GRM7: variants seen among roughly 807,000 people sequenced by gnomAD.
The protein encoded by GRM7 is metabotropic glutamate receptor 7.
A neutral mutation model predicts 84.5 loss-of-function variants in GRM7; 35 were observed. The ratio of observed to expected loss-of-function variants is 0.41; its 90% CI spans 0.32 to 0.55. GRM7 has a LOEUF of 0.55. Ranked by LOEUF, GRM7 falls within the 20% of genes least tolerant of loss-of-function variation. GRM7 has a pLI of 0.19. For synonymous variants in GRM7, 487 were observed against 455.1 expected, an observed-to-expected ratio of 1.07 and a Z score of -0.89; for missense variants, 1,003 against 1,194.6, an observed-to-expected ratio of 0.84 and a Z score of 2.36.
At chr3:6,904,552 C>T (rs1468708580) in intron 1 of GRM7, among the ~76,000 whole-genome samples, 1 of 152,130 alleles carries the variant, frequency 6.6e-6, no homozygotes, top group East Asian at 1.9e-4. Flanking sequence ...TATAATGAAC[C>T]TCTTTCCCCA....
intron 1 of GRM7, among the ~76,000 whole-genome samples, chr3:6,875,477 T>C (rs568187337): frequency 4.6e-5 from 7 of 152,274 alleles, no homozygotes; most frequent in Non-Finnish European, 8.8e-5. Context: ...ACAAGCTCTC[T>C]TGCCTGCTGT....
Position 6,976,156 on chromosome 3 carries a change from C to T in GRM7, c.519+114249C>T, listed in dbSNP as rs143257999. Among the ~76,000 whole-genome samples the T allele has an allele frequency of 1.7e-4, 26 of 152,224 alleles. No homozygotes were observed. In the East Asian group the frequency reaches 4.3e-3, roughly 25 times the overall value. ...TGGTCACCAGCTCTGCCCCTATAGC[C>T]GTAGAAGTTAGGAACCCATGCTGTA... On this transcript the variant is annotated intron_variant, in intron 1 of 9. Coordinates refer to ENST00000357716, the MANE Select transcript of GRM7 (RefSeq NM_000844.4).
At chr3:7,280,266 G>T (rs1464029225) in intron 2 of GRM7, among the ~76,000 whole-genome samples, 1 of 152,150 alleles carries the variant, frequency 6.6e-6, no homozygotes, top group Non-Finnish European at 1.5e-5. Context: ...GAAAGTCCTT[G>T]GTCTCTGAAA....
chr3:7,184,369 AAGT>A (rs1168568477), intron 2 of GRM7, among the ~76,000 whole-genome samples: 1 of 151,508 alleles, frequency 6.6e-6, no homozygotes, highest in Non-Finnish European at 1.5e-5. Context: ...TCAATTTTTA[AAGT>A]AGTACTAGTT....
At chr3:7,138,344 G>T (rs2125060083) in intron 1 of GRM7, among the ~76,000 whole-genome samples, 1 of 152,094 alleles carries the variant, frequency 6.6e-6, no homozygotes, top group East Asian at 1.9e-4. Flanking sequence ...AGAAGCTATA[G>T]ATGTGGTAGA....
chr3:6,866,750 A>G (rs1389678280), intron 1 of GRM7, among the ~76,000 whole-genome samples: 1 of 152,198 alleles, frequency 6.6e-6, no homozygotes, highest in Admixed American at 6.5e-5. Context: ...TTTCTCTCCC[A>G]AAACTGAGAA....
intron 1 of GRM7, among the ~76,000 whole-genome samples, chr3:7,060,563 T>G (rs1214202724): frequency 2.0e-5 from 3 of 151,792 alleles, no homozygotes; most frequent in Non-Finnish European, 2.9e-5. Flanking sequence ...GAGCTGATCA[T>G]GAGTCAGGAA....
At chr3:7,338,136 AC>A in intron 4 of GRM7, among the ~76,000 whole-genome samples, 1 of 150,476 alleles carries the variant, frequency 6.6e-6, no homozygotes, top group African/African-American at 2.5e-5. Flanking sequence ...ACACACACAC[AC>A]ACACACCCCA....
At chr3:7,025,552 T>G (rs780219501) in intron 1 of GRM7, among the ~76,000 whole-genome samples, 16 of 152,158 alleles carry the variant, frequency 1.1e-4, no homozygotes, top group Non-Finnish European at 2.2e-4. Flanking sequence ...CTCAATCATC[T>G]CTGTAAAGGC....
rs112239894 is a variant in GRM7, at chr3:7,099,924, T to TTATATA, written c.520-46524_520-46519dup. Among the ~76,000 whole-genome samples the TTATATA allele has an allele frequency of 4.2e-5, 3 of 71,294 alleles. 1 individual carries two copies. The highest frequency in any genetic ancestry group is 2.6e-4 in the Admixed American group (2 of 7,676). 46.8% of individuals were successfully genotyped at this position (71,294 alleles called of 152,430 possible). ...ATTATACATATATAATATTAATATATTATATATATTATGATATACATTATG... is the reference window on the plus strand; with the variant it reads ...ATTATACATATATAATATTAATATATTATATATATATATATTATGATATACATTATG... On this transcript the variant is annotated intron_variant, in intron 1 of 9. Coordinates refer to ENST00000357716, the MANE Select transcript of GRM7 (RefSeq NM_000844.4).
intron 1 of GRM7, among the ~76,000 whole-genome samples, chr3:7,090,988 T>C (rs569459635): frequency 1.3e-5 from 2 of 152,282 alleles, no homozygotes; most frequent in African/African-American, 2.4e-5. Context: ...GTGATGAACA[T>C]TAAAAATTTG....
At chr3:7,208,741 T>A (rs1301746654) in intron 2 of GRM7, among the ~76,000 whole-genome samples, 2 of 152,168 alleles carry the variant, frequency 1.3e-5, no homozygotes, top group African/African-American at 4.8e-5. Context: ...AACCAAATCG[T>A]GGTATTACTC....
rs78790235 is a variant in GRM7, at chr3:7,312,522, C to T, written c.1033+5870C>T. Among the ~76,000 whole-genome samples, 308 of 152,236 alleles carry T rather than the reference C, an allele frequency of 2.0e-3. 1 individual carries two copies. Among genetic ancestry groups the T allele is most frequent in the African/African-American group, 6.8e-3 (282 of 41,540 alleles). On this transcript the variant is annotated intron_variant, in intron 4 of 9. Transcript: ENST00000357716. Reference sequence around the variant, plus strand: ...TTCCATTTATTCCTGCAGACTGTAGCTTGGTGAAATTCCAGTTACCTCAAG... The same window carrying T: ...TTCCATTTATTCCTGCAGACTGTAGTTTGGTGAAATTCCAGTTACCTCAAG...
At chr3:6,925,663 T>G (rs1397870207) in intron 1 of GRM7, among the ~76,000 whole-genome samples, 1 of 152,236 alleles carries the variant, frequency 6.6e-6, no homozygotes, top group African/African-American at 2.4e-5. Context: ...TTGAGAGCTC[T>G]TGTGATCTGA....
At chr3:7,685,189 G>A (rs1209826891) in intron 9 of GRM7, among the ~76,000 whole-genome samples, 1 of 152,138 alleles carries the variant, frequency 6.6e-6, no homozygotes, top group African/African-American at 2.4e-5. Context: ...AGGCAGCATG[G>A]CTTTATTGGG....
intron 9 of GRM7, among the ~76,000 whole-genome samples, chr3:7,707,917 T>C (rs936899227): frequency 4.7e-5 from 7 of 150,176 alleles, no homozygotes; most frequent in Non-Finnish European, 7.4e-5. Flanking sequence ...AACATATTGC[T>C]GTGAAGCTTT....
chr3:7,568,558 G>A (rs369708619), intron 7 of GRM7, among the ~76,000 whole-genome samples: 19 of 152,354 alleles, frequency 1.2e-4, no homozygotes, highest in East Asian at 7.8e-4. Context: ...GGCTGGCCAA[G>A]GCCGGAGCCG....
intron 4 of GRM7, among the ~76,000 whole-genome samples, chr3:7,329,619 T>G (rs1430709863): frequency 1.3e-5 from 2 of 152,148 alleles, no homozygotes. Flanking sequence ...TAGCTATATA[T>G]AAATGAATAT....
At chr3:7,373,360 T>G (rs964067378) in intron 4 of GRM7, among the ~76,000 whole-genome samples, 2 of 152,176 alleles carry the variant, frequency 1.3e-5, no homozygotes, top group African/African-American at 4.8e-5. Flanking sequence ...CTTGGCTAAT[T>G]TTATTTTATT....
Sources: gnomAD v4.1 joint callset for allele counts (sites outside exome capture counted in the v4.1 genomes callset) on GRCh38, gnomAD v4.1.1 for gene constraint, MANE v1.5 for transcripts, NCBI Gene and HGNC (gene_info 2026-07-23, HGNC 2026-07-21) for gene names.